The following LGALS8 variants were observed in gnomAD, a reference collection of about 807,000 sequenced individuals.
LGALS8 encodes the protein galectin 8.
LGALS8 carries 30 observed loss-of-function variants against 35.9 expected under a neutral mutation model. The observed-to-expected ratio is 0.83, with a 90% CI of 0.62 to 1.13. LGALS8 has a LOEUF of 1.13. Among genes scored for constraint, LGALS8 ranks in the 50% most tolerant of loss-of-function variants. The pLI, the probability that LGALS8 is intolerant of heterozygous loss-of-function variation, is 0.00. For synonymous variants in LGALS8, 138 were observed against 136.1 expected, an observed-to-expected ratio of 1.01 and a Z score of -0.10; for missense variants, 366 against 388.7, an observed-to-expected ratio of 0.94 and a Z score of 0.49.
intron 3 of LGALS8, among the ~76,000 whole-genome samples, chr1:236,538,086 C>CAAAA (rs548113542): frequency 1.8e-4 from 9 of 50,108 alleles, no homozygotes; most frequent in Admixed American, 4.0e-4. Flanking sequence ...GCCTGGGTGA[C>CAAAA]AAAAAAAAAA....
rs778573007 is a variant in LGALS8, at chr1:236,537,580, A to G, written c.129A>G (p.Ala43=). The G allele has an allele frequency of 1.9e-6, 3 of 1,596,612 alleles. No individual in the cohort carries two copies. The highest frequency in any genetic ancestry group is 2.6e-6 in the Non-Finnish European group (3 of 1,163,688). The change falls in exon 3 of 10, where the codon GCA becomes GCG. Residue 43 remains alanine, a synonymous_variant. Coordinates refer to ENST00000366584, the MANE Select transcript of LGALS8 (RefSeq NM_201544.4). ...IVIRGHVPSD[A]DRFQVDLQNG... ...TACGTGGGCATGTTCCTAGTGACGC[A>G]GACAGGTAAAATCACTGTGCTAAAG... is the stretch of plus-strand genomic sequence containing the variant.
chr1:236,544,865 GAA>G lies in LGALS8; in HGVS notation c.755_756del (p.Glu252GlyfsTer10), dbSNP rs2103105788. The G allele has an allele frequency of 6.2e-7, 1 of 1,613,840 alleles. No individual in the cohort carries two copies. The highest frequency in any genetic ancestry group is 8.5e-7 in the Non-Finnish European group (1 of 1,179,844). ...NSFLQESWGEEERNITSFPFS... is the reference protein window; with the variant it reads ...NSFLQESWGEXERNITSFPFS... ...TTTTCTTCAGGAGTCCTGGGGAGAA[GAA>G]GAGAGAAATATTACCTCTTTCCCAT... On this transcript the variant is annotated frameshift_variant, in exon 9 of 10. Coordinates refer to ENST00000366584, the MANE Select transcript of LGALS8 (RefSeq NM_201544.4). LOFTEE classifies it high-confidence loss of function.
intron 2 of LGALS8, among the ~76,000 whole-genome samples, chr1:236,534,156 C>G (rs755580932): frequency 3.9e-5 from 6 of 152,106 alleles, no homozygotes; most frequent in Non-Finnish European, 7.4e-5. Context: ...TTGTTGCAGT[C>G]TAGATGAGGT....
intron 3 of LGALS8, among the ~76,000 whole-genome samples, chr1:236,538,605 G>C (rs1661735514): frequency 6.6e-6 from 1 of 152,250 alleles, no homozygotes; most frequent in South Asian, 2.1e-4. Flanking sequence ...TACCAGCAGA[G>C]CTTTAGCTGC....
rs923009883 is a variant in LGALS8, at chr1:236,551,934, T to A, written c.*3773T>A. The A allele has an allele frequency of 1.4e-5, 16 of 1,114,630 alleles. No homozygotes were observed. Among genetic ancestry groups the A allele is most frequent in the Admixed American group, 3.5e-5 (2 of 57,072 alleles). 69.0% of individuals were successfully genotyped at this position (1,114,630 alleles called of 1,614,324 possible). A position where few individuals can be genotyped will look rare whatever the true frequency, so the allele number is the denominator to read the frequency against. ...CAAATCTGCATTATCATTGGGCACA[T>A]TTTCACAGAATTTTACTGAATTATT... On this transcript the variant is annotated 3_prime_UTR_variant, in exon 10 of 10. Coordinates refer to ENST00000366584, the MANE Select transcript of LGALS8 (RefSeq NM_201544.4).
chr1:236,533,651 T>G, intron 2 of LGALS8, among the ~76,000 whole-genome samples: 1 of 146,402 alleles, frequency 6.8e-6, no homozygotes, highest in Non-Finnish European at 1.5e-5. Context: ...TTTTTTTTTT[T>G]AAAGATGTTG....
Position 236,544,737 on chromosome 1 carries a change from TC to T in LGALS8, c.639-12del. The stretch of plus-strand genomic sequence containing the variant: ...GTTAATTAAGGTTTTTTTTTTTCTT[TC>T]TTTCTCAAAAGCTTTAATGTTGACC... On this transcript the variant is annotated splice_polypyrimidine_tract_variant and intron_variant, in intron 8 of 9. Coordinates refer to ENST00000366584, the MANE Select transcript of LGALS8 (RefSeq NM_201544.4). 6.4e-7 allele frequency: 1 copy of T among 1,570,668 alleles called. No homozygotes were observed.
intron 1 of LGALS8, chr1:236,525,558 A>AC (rs1660772501): frequency 6.6e-6 from 1 of 152,668 alleles, no homozygotes; most frequent in East Asian, 1.9e-4. Flanking sequence ...GCATGCCACT[A>AC]CGTCTGGCTA....
intron 9 of LGALS8, 126 bp downstream of exon 9, chr1:236,545,041 G>T: frequency 1.4e-6 from 1 of 707,136 alleles, no homozygotes; most frequent in Non-Finnish European, 2.2e-6. Flanking sequence ...TTGTTTACTT[G>T]GAGATTGTAA....
chr1:236,539,930 G>A (rs551408396), intron 4 of LGALS8, among the ~76,000 whole-genome samples: 3 of 151,870 alleles, frequency 2.0e-5, no homozygotes, highest in South Asian at 2.1e-4. Context: ...TGCTGCTCGC[G>A]TTTTCTGCCT....
chr1:236,548,098 C>G lies in LGALS8; in HGVS notation c.891C>G (p.Leu297=), dbSNP rs1193244354. The G allele has an allele frequency of 6.2e-7, 1 of 1,613,882 alleles. No homozygotes were observed. Among genetic ancestry groups the G allele is most frequent in the African/African-American group, 1.3e-5 (1 of 75,020 alleles). The change falls in exon 10 of 10, where the codon CTC becomes CTG. Residue 297 remains leucine, a synonymous_variant. Coordinates refer to ENST00000366584, the MANE Select transcript of LGALS8 (RefSeq NM_201544.4). ...SLEYKHRFKE[L]SSIDTLEING... is the part of the protein sequence containing the mutation. ...AGTACAAACACAGATTTAAAGAGCTCAGCAGTATTGACACGCTGGAAATTA... is the reference window on the plus strand; with the variant it reads ...AGTACAAACACAGATTTAAAGAGCTGAGCAGTATTGACACGCTGGAAATTA...
rs371245157 is a variant in LGALS8 at position 236,538,101 on chromosome 1, A to AAAAAAAG, written c.134+519_134+520insAAAGAAA. On this transcript the variant is annotated intron_variant, in intron 3 of 9. Transcript: ENST00000366584. The stretch of plus-strand genomic sequence containing the variant: ...GCCTGGGTGACAAAAAAAAAAAAGA[A>AAAAAAAG]AAAGAAAAAGAATTAGGTATGTCAT... Among the ~76,000 whole-genome samples the AAAAAAAG allele has an allele frequency of 7.9e-4, 76 of 96,074 alleles. 7 individuals are homozygous for AAAAAAAG. The highest frequency in any genetic ancestry group is 1.9e-3 in the African/African-American group (58 of 30,112). 63.0% of individuals were successfully genotyped at this position (96,074 alleles called of 152,430 possible).
Position 236,541,584 on chromosome 1 carries a change from G to A in LGALS8, c.466-70G>A, listed in dbSNP as rs1371317686. 1.5e-5 allele frequency: 10 copies of A among 673,568 alleles called. No individual in the cohort carries two copies. The African/African-American group carries it at 2.1e-4, about 14-fold the overall frequency. The allele number at this position is 673,568 out of a possible 1,614,324, so 41.7% of individuals were successfully genotyped here. A position where few individuals can be genotyped will look rare whatever the true frequency, so the allele number is the denominator to read the frequency against. On this transcript the variant is annotated intron_variant, in intron 5 of 9. Transcript: ENST00000366584. ...AGTACCATTTATAATTTTTTTATAT[G>A]TCAATATAAAATATTTAGAAAATAT...
Position 236,550,962 on chromosome 1 carries a change from G to T in LGALS8, c.*2801G>T. 6.4e-7 allele frequency: 1 copy of T among 1,570,458 alleles called. No individual in the cohort carries two copies. ...TTTCCAGTTGCTGAATAGTCTTTTG[G>T]CACTGATGTTCTACTTCTTCACATT... On this transcript the variant is annotated 3_prime_UTR_variant, in exon 10 of 10. Coordinates refer to ENST00000366584, the MANE Select transcript of LGALS8 (RefSeq NM_201544.4).
At chr1:236,543,426 G>C (rs932106984) in intron 7 of LGALS8, 134 bp from the exon 8 acceptor site, 1 of 755,598 alleles carries the variant, frequency 1.3e-6, no homozygotes, top group Non-Finnish European at 2.4e-6. Context: ...CTGGGACCAA[G>C]GCAGACTGTC....
chr1:236,540,742 G>GA (rs752666126), intron 5 of LGALS8, 59 bp downstream of exon 5: 201 of 1,483,918 alleles, frequency 1.4e-4, no homozygotes, highest in Middle Eastern at 4.1e-4. Context: ...TGAGATGGTA[G>GA]AAAAAATCTT....
At chr1:236,535,681 A>C (rs1460174802) in intron 2 of LGALS8, among the ~76,000 whole-genome samples, 1 of 152,216 alleles carries the variant, frequency 6.6e-6, no homozygotes, top group Non-Finnish European at 1.5e-5. Context: ...TCTGATGTGC[A>C]GCTGTAGCCC....
chr1:236,544,631 A>G, intron 8 of LGALS8, 119 bp from the exon 9 acceptor site: 1 of 643,880 alleles, frequency 1.6e-6, no homozygotes, highest in Non-Finnish European at 2.5e-6. Flanking sequence ...CCATGTGGAT[A>G]CGTGTGTTTC....
chr1:236,541,712 TA>T lies in LGALS8; in HGVS notation c.522+5del. ...CTGACAGAGATAAGTAGAGAAAATG[TA>T]AATATTAAATCTTTTAATGAGCCAC... On this transcript the variant is annotated splice_donor_region_variant and intron_variant, in intron 6 of 9. Transcript: ENST00000366584. 6.9e-7 allele frequency: 1 copy of T among 1,459,478 alleles called. No individual in the cohort carries two copies. The highest frequency in any genetic ancestry group is 9.4e-7 in the Non-Finnish European group (1 of 1,066,524). 90.4% of individuals were successfully genotyped at this position (1,459,478 alleles called of 1,614,324 possible). A position where few individuals can be genotyped will look rare whatever the true frequency, so the allele number is the denominator to read the frequency against.
Sources: gnomAD v4.1 joint callset for allele counts (sites outside exome capture counted in the v4.1 genomes callset) on GRCh38, gnomAD v4.1.1 for gene constraint, MANE v1.5 for transcripts, NCBI Gene and HGNC (gene_info 2026-07-23, HGNC 2026-07-21) for gene names.